SLC49A4: variants seen among roughly 807,000 people sequenced by gnomAD.
The protein encoded by SLC49A4 is solute carrier family 49 member 4.
A neutral mutation model predicts 50.6 loss-of-function variants in SLC49A4; 36 were observed. That is an observed-to-expected ratio of 0.71 (90% confidence interval 0.55 to 0.94). The LOEUF (loss-of-function observed/expected upper bound fraction) is 0.94, where lower values mean the gene tolerates loss of function less well. SLC49A4 is among the 40% of genes least tolerant of loss of function. The pLI is 0.00. For missense variants in SLC49A4, 503 were observed against 605.7 expected, an observed-to-expected ratio of 0.83 and a Z score of 1.78; for synonymous variants, 248 against 241.2, an observed-to-expected ratio of 1.03 and a Z score of -0.26.
chr3:122,860,167 GT>G lies in SLC49A4; in HGVS notation c.1106del (p.Leu369Ter). On this transcript the variant is annotated frameshift_variant, in exon 7 of 9. Coordinates refer to ENST00000261038, the MANE Select transcript of SLC49A4 (RefSeq NM_032839.3). LOFTEE classifies it high-confidence loss of function. ...TCATCCACGTGGTTCACCCTGACCT[GT>G]TTGAACAGCATCACACACCTACCTT... ...TLSSTWFTLT[C>X]LNSITHLPLT... The G allele has an allele frequency of 6.2e-7, 1 of 1,611,402 alleles. No individual in the cohort carries two copies. The highest frequency in any genetic ancestry group is 8.5e-7 in the Non-Finnish European group (1 of 1,178,728).
intron 2 of SLC49A4, among the ~76,000 whole-genome samples, chr3:122,820,955 A>G (rs1415000537): frequency 6.6e-6 from 1 of 152,164 alleles, no homozygotes; most frequent in African/African-American, 2.4e-5. Flanking sequence ...AGTTCCCATA[A>G]TCCCCACATG....
chr3:122,870,625 A>G (rs1937183899), intron 7 of SLC49A4, among the ~76,000 whole-genome samples: 1 of 150,514 alleles, frequency 6.6e-6, no homozygotes. Flanking sequence ...CCTGGCCAAC[A>G]TGGTGAAACC....
intron 4 of SLC49A4, among the ~76,000 whole-genome samples, chr3:122,844,218 A>G (rs1047493090): frequency 1.3e-5 from 2 of 152,144 alleles, no homozygotes; most frequent in South Asian, 2.1e-4. Context: ...TTACAGGTGC[A>G]CACCACTATA....
At chr3:122,846,552 A>G (rs1375227800) in intron 5 of SLC49A4, among the ~76,000 whole-genome samples, 2 of 152,212 alleles carry the variant, frequency 1.3e-5, no homozygotes, top group African/African-American at 4.8e-5. Context: ...TACTGGATAC[A>G]TATCTAGGAA....
chr3:122,804,044 T>C (rs79192967), intron 1 of SLC49A4, among the ~76,000 whole-genome samples: 4,853 of 152,278 alleles, frequency 0.032, 108 homozygotes, highest in Middle Eastern at 0.071. Flanking sequence ...TACCTGAGGC[T>C]GGGTAATGTG....
intron 5 of SLC49A4, among the ~76,000 whole-genome samples, chr3:122,854,650 C>T (rs1936962954): frequency 6.6e-6 from 1 of 152,220 alleles, no homozygotes; most frequent in African/African-American, 2.4e-5. Flanking sequence ...TGGCACACTT[C>T]ACTTATGCTC....
Position 122,824,825 on chromosome 3 carries a change from C to G in SLC49A4, c.438-1975C>G, listed in dbSNP as rs552803762. 1.1e-4 allele frequency among the ~76,000 whole-genome samples: 17 copies of G among 150,720 alleles called. No individual in the cohort carries two copies. In the East Asian group the frequency reaches 3.1e-3, roughly 28 times the overall value. On this transcript the variant is annotated intron_variant, in intron 2 of 8. Coordinates refer to ENST00000261038, the MANE Select transcript of SLC49A4 (RefSeq NM_032839.3). ...TCTGCTCACTGCAACCTCTGCCTCC[C>G]AAGCTCAAGTGATTCTCGCGCCTCA...
chr3:122,818,119 C>T (rs1457626868), intron 2 of SLC49A4, among the ~76,000 whole-genome samples: 2 of 151,932 alleles, frequency 1.3e-5, no homozygotes, highest in African/African-American at 2.4e-5. Flanking sequence ...TTAATATTAG[C>T]AAATAAGTTG....
chr3:122,830,353 A>C (rs916048034), intron 3 of SLC49A4, among the ~76,000 whole-genome samples: 1 of 152,226 alleles, frequency 6.6e-6, no homozygotes, highest in Admixed American at 6.5e-5. Flanking sequence ...GACCAGCAAT[A>C]TCCAAAACAA....
intron 1 of SLC49A4, among the ~76,000 whole-genome samples, chr3:122,799,064 C>G (rs566994324): frequency 3.3e-5 from 5 of 152,146 alleles, no homozygotes; most frequent in Non-Finnish European, 7.4e-5. Flanking sequence ...AGAGCCAAGA[C>G]CAAGTGTGCC....
At position 122,795,151 on chromosome 3, in the gene SLC49A4, C is replaced by G. The variant is rs1032736048; in HGVS notation, c.-42C>G. The G allele has an allele frequency of 1.1e-5, 14 of 1,305,720 alleles. No homozygotes were observed. The highest frequency in any genetic ancestry group is 6.3e-5 in the East Asian group (2 of 31,628). 80.9% of individuals were successfully genotyped at this position (1,305,720 alleles called of 1,614,324 possible). ...CTGCGCTGGGCTAGTCGGCGGTGACCCGGACTGCGCCCGGCAGTGGCTTCG... is the reference window on the plus strand; with the variant it reads ...CTGCGCTGGGCTAGTCGGCGGTGACGCGGACTGCGCCCGGCAGTGGCTTCG... On this transcript the variant is annotated 5_prime_UTR_variant, in exon 1 of 9. Coordinates refer to ENST00000261038, the MANE Select transcript of SLC49A4 (RefSeq NM_032839.3).
intron 3 of SLC49A4, among the ~76,000 whole-genome samples, chr3:122,827,776 A>G (rs1936553530): frequency 1.3e-5 from 2 of 152,370 alleles, no homozygotes; most frequent in South Asian, 4.1e-4. Context: ...GTCAACGATG[A>G]GACAATTATA....
In SLC49A4 at chr3:122,808,992, A is replaced by AG. The variant is rs541781353; in HGVS notation, c.437+2043dup. On this transcript the variant is annotated intron_variant, in intron 2 of 8. Coordinates refer to ENST00000261038, the MANE Select transcript of SLC49A4 (RefSeq NM_032839.3). ...TGGCACAGACATGAGGGGAAGTGTG[A>AG]GAAAAAGAGATGGGAGGTGATATGC... Among the ~76,000 whole-genome samples the AG allele has an allele frequency of 9.9e-5, 15 of 152,240 alleles. No individual in the cohort carries two copies. The South Asian group carries it at 2.7e-3, about 27-fold the overall frequency.
chr3:122,805,037 A>G (rs1936194787), intron 1 of SLC49A4, among the ~76,000 whole-genome samples: 1 of 152,080 alleles, frequency 6.6e-6, no homozygotes, highest in Non-Finnish European at 1.5e-5. Flanking sequence ...ATGTAAGCCT[A>G]TGGTCCCCAA....
chr3:122,805,500 AGAG>A (rs1465133058), intron 1 of SLC49A4, among the ~76,000 whole-genome samples: 1 of 97,840 alleles, frequency 1.0e-5, no homozygotes, highest in Non-Finnish European at 2.6e-5. Flanking sequence ...CTGCAAAAAG[AGAG>A]GAGAGAGCCC....
rs1162163196 is a variant in SLC49A4 at position 122,879,307 on chromosome 3, A to G, written c.1366A>G (p.Ser456Gly). The change falls in exon 9 of 9, where the codon AGT (serine) becomes GGT (glycine). Residue 456 changes from serine (S) to glycine (G), a missense_variant. Ser to Gly is a moderately conservative substitution (Grantham distance 56, BLOSUM62 0). Coordinates refer to ENST00000261038, the MANE Select transcript of SLC49A4 (RefSeq NM_032839.3). ...GTGCCTTCCCGGGTCGTGTTTGCTCAGTCTCCTCCTCATTCTGTGCTTCAG... is the reference window on the plus strand; with the variant it reads ...GTGCCTTCCCGGGTCGTGTTTGCTCGGTCTCCTCCTCATTCTGTGCTTCAG... ...NWCLPGSCLL[S>G]LLLILCFRES... 2 of 1,613,954 alleles carry G rather than the reference A, an allele frequency of 1.2e-6. No individual in the cohort carries two copies. The highest frequency in any genetic ancestry group is 1.7e-5 in the Admixed American group (1 of 59,996).
intron 5 of SLC49A4, among the ~76,000 whole-genome samples, chr3:122,855,615 G>C (rs1212243305): frequency 6.6e-6 from 1 of 152,100 alleles, no homozygotes; most frequent in Non-Finnish European, 1.5e-5. Flanking sequence ...AAAAAATGTG[G>C]CCACACAAGC....
At chr3:122,852,043 G>C (rs1015562017) in intron 5 of SLC49A4, among the ~76,000 whole-genome samples, 14 of 143,182 alleles carry the variant, frequency 9.8e-5, no homozygotes, top group African/African-American at 3.4e-4. Flanking sequence ...ACCCAGGCTA[G>C]AGTGCAGCGG....
chr3:122,813,693 T>G (rs1936329352), intron 2 of SLC49A4, among the ~76,000 whole-genome samples: 1 of 152,180 alleles, frequency 6.6e-6, no homozygotes, highest in Non-Finnish European at 1.5e-5. Context: ...GGCAAACAAT[T>G]AAAACTTTAT....
Sources: allele counts gnomAD v4.1 joint callset (sites outside exome capture counted in the v4.1 genomes callset), GRCh38; gene constraint gnomAD v4.1.1; transcripts MANE v1.5; gene names NCBI Gene and HGNC (gene_info 2026-07-23, HGNC 2026-07-21).